Variants in GAB1 observed in about 807,000 individuals in gnomAD.
The protein encoded by GAB1 is GRB2-associated-binding protein 1.
A neutral mutation model predicts 66.5 loss-of-function variants in GAB1; 19 were observed. That is an observed-to-expected ratio of 0.29 (90% confidence interval 0.20 to 0.42). GAB1 has a LOEUF of 0.42. Ranked by LOEUF, GAB1 falls within the 10% of genes least tolerant of loss-of-function variation. GAB1 has a pLI of 1.00. For synonymous variants in GAB1, 294 were observed against 301.4 expected, an observed-to-expected ratio of 0.98 and a Z score of 0.25; for missense variants, 732 against 858.5, an observed-to-expected ratio of 0.85 and a Z score of 1.84.
At chr4:143,340,699 T>A (rs1467146579) in intron 1 of GAB1, among the ~76,000 whole-genome samples, 1 of 152,042 alleles carries the variant, frequency 6.6e-6, no homozygotes, top group African/African-American at 2.4e-5. Flanking sequence ...TCAGTAGAGA[T>A]GGGATTTCGC....
chr4:143,381,581 T>G (rs1198802779), intron 1 of GAB1, among the ~76,000 whole-genome samples: 1 of 152,152 alleles, frequency 6.6e-6, no homozygotes, highest in Non-Finnish European at 1.5e-5. Context: ...CCTAATTGGG[T>G]CGTTGGAGAT....
At chr4:143,444,836 G>A (rs151160543) in intron 6 of GAB1, among the ~76,000 whole-genome samples, 2 of 152,192 alleles carry the variant, frequency 1.3e-5, no homozygotes, top group East Asian at 1.9e-4. Flanking sequence ...GCTCTCACTT[G>A]TAAGTGAGAA....
At chr4:143,402,424 A>G (rs1353643127) in intron 1 of GAB1, among the ~76,000 whole-genome samples, 1 of 152,192 alleles carries the variant, frequency 6.6e-6, no homozygotes, top group Non-Finnish European at 1.5e-5. Flanking sequence ...ATCTGTGTTC[A>G]TAGCATATAT....
At chr4:143,368,076 G>A (rs1362234410) in intron 1 of GAB1, among the ~76,000 whole-genome samples, 2 of 151,904 alleles carry the variant, frequency 1.3e-5, no homozygotes. Context: ...CTCTTCTCAG[G>A]TGCAGAGTGG....
At chr4:143,362,499 C>T (rs1053192550) in intron 1 of GAB1, among the ~76,000 whole-genome samples, 4 of 152,094 alleles carry the variant, frequency 2.6e-5, no homozygotes, top group African/African-American at 4.8e-5. Context: ...AAACAAGGGG[C>T]GGATTATTCA....
intron 1 of GAB1, among the ~76,000 whole-genome samples, chr4:143,356,090 A>T (rs905605536): frequency 2.0e-4 from 30 of 151,856 alleles, no homozygotes; most frequent in African/African-American, 6.8e-4. Context: ...CCGGGGGGAG[A>T]CTGGGAGAAA....
intron 1 of GAB1, among the ~76,000 whole-genome samples, chr4:143,388,026 G>A (rs1730999262): frequency 6.6e-6 from 1 of 152,074 alleles, no homozygotes. Flanking sequence ...GGGCAGAGGG[G>A]GTTTCTGACT....
rs1376700645 is a variant in GAB1, at chr4:143,470,833, A to C, written c.*1644A>C. 2 of 152,228 alleles carry C rather than the reference A, an allele frequency of 1.3e-5. No individual in the cohort carries two copies. The highest frequency in any genetic ancestry group is 2.9e-5 in the Non-Finnish European group (2 of 68,038). The allele number at this position is 152,228 out of a possible 1,614,324, so 9.4% of individuals were successfully genotyped here. ...ATCAATGTAATAGGTTTATTTTCCC[A>C]ATCCTCAAACTAAAAATGTTCATAA... On this transcript the variant is annotated 3_prime_UTR_variant, in exon 10 of 10. Coordinates refer to ENST00000262994, the MANE Select transcript of GAB1 (RefSeq NM_002039.4).
intron 1 of GAB1, among the ~76,000 whole-genome samples, chr4:143,414,480 G>C (rs951504762): frequency 2.6e-5 from 4 of 152,148 alleles, no homozygotes; most frequent in Admixed American, 2.6e-4. Context: ...GATTGCCCAT[G>C]TATGTTTGTT....
chr4:143,449,947 A>G lies in GAB1; in HGVS notation c.1586-9438A>G, dbSNP rs544610467. On this transcript the variant is annotated intron_variant, in intron 6 of 9. Coordinates refer to ENST00000262994, the MANE Select transcript of GAB1 (RefSeq NM_002039.4). The stretch of plus-strand genomic sequence containing the variant: ...CCTTAGGAGTAAAGCCTACTTGATC[A>G]TTAACATGCTTTTTAAAAACTACAT... 5.5e-4 allele frequency among the ~76,000 whole-genome samples: 84 copies of G among 152,238 alleles called. 1 individual carries two copies. Among genetic ancestry groups the G allele is most frequent in the African/African-American group, 1.9e-3 (79 of 41,542 alleles).
chr4:143,399,240 A>G (rs979106204), intron 1 of GAB1, among the ~76,000 whole-genome samples: 2 of 152,250 alleles, frequency 1.3e-5, no homozygotes, highest in African/African-American at 4.8e-5. Context: ...TTAAATATTA[A>G]GAAAGCAATA....
intron 2 of GAB1, among the ~76,000 whole-genome samples, chr4:143,426,171 C>T (rs1377332873): frequency 2.0e-5 from 3 of 152,194 alleles, no homozygotes; most frequent in Non-Finnish European, 2.9e-5. Flanking sequence ...GAACTTGATT[C>T]ATCTAGGAGT....
At chr4:143,406,539 G>A (rs1404732542) in intron 1 of GAB1, among the ~76,000 whole-genome samples, 1 of 152,180 alleles carries the variant, frequency 6.6e-6, no homozygotes, top group African/African-American at 2.4e-5. Context: ...CAGAGCCTTG[G>A]CCAGAAGTAG....
At chr4:143,372,861 T>G (rs1730194196) in intron 1 of GAB1, among the ~76,000 whole-genome samples, 9 of 152,360 alleles carry the variant, frequency 5.9e-5, no homozygotes, top group Admixed American at 5.2e-4. Flanking sequence ...GTATGATGTC[T>G]ATACTCTTTA....
intron 1 of GAB1, among the ~76,000 whole-genome samples, chr4:143,393,659 G>T (rs1482573302): frequency 6.6e-6 from 1 of 152,138 alleles, no homozygotes; most frequent in Non-Finnish European, 1.5e-5. Context: ...CTTTCCAGTG[G>T]TGAGTGTCCG....
intron 9 of GAB1, among the ~76,000 whole-genome samples, chr4:143,467,582 C>G (rs574596759): frequency 2.0e-5 from 3 of 152,222 alleles, no homozygotes; most frequent in Non-Finnish European, 4.4e-5. Flanking sequence ...TTTCTCCTAT[C>G]TCACACTCTC....
intron 1 of GAB1, among the ~76,000 whole-genome samples, chr4:143,355,250 C>T (rs1729396790): frequency 1.3e-5 from 2 of 152,168 alleles, no homozygotes; most frequent in African/African-American, 4.8e-5. Flanking sequence ...AACACAGCTT[C>T]CTGATGCCCA....
intron 1 of GAB1, among the ~76,000 whole-genome samples, chr4:143,408,580 T>C (rs1055130096): frequency 6.6e-6 from 1 of 152,206 alleles, no homozygotes; most frequent in Non-Finnish European, 1.5e-5. Context: ...TGCTCATGTA[T>C]ATATATCCAT....
intron 6 of GAB1, among the ~76,000 whole-genome samples, chr4:143,440,631 AC>A (rs1734177658): frequency 6.6e-6 from 1 of 152,186 alleles, no homozygotes; most frequent in Non-Finnish European, 1.5e-5. Flanking sequence ...TGAAATACTC[AC>A]GGGGTGAGCG....
Sources: gnomAD v4.1 joint callset for allele counts (sites outside exome capture counted in the v4.1 genomes callset) on GRCh38, gnomAD v4.1.1 for gene constraint, MANE v1.5 for transcripts, NCBI Gene and HGNC (gene_info 2026-07-23, HGNC 2026-07-21) for gene names.